Variants in GRIK4 observed in about 807,000 individuals in gnomAD.
The protein encoded by GRIK4 is glutamate ionotropic receptor kainate type subunit 4, also known as glutamate receptor ionotropic, kainate 4.
In GRIK4, 40 loss-of-function variants were observed where a neutral mutation model predicts 104.9. The observed-to-expected ratio is 0.38, with a 90% CI of 0.30 to 0.50. The LOEUF is 0.50. Ranked by LOEUF, GRIK4 falls within the 20% of genes least tolerant of loss-of-function variation. GRIK4 has a pLI of 0.93. For missense variants in GRIK4, 1,047 were observed against 1,308.1 expected, an observed-to-expected ratio of 0.80 and a Z score of 3.08; for synonymous variants, 485 against 524.9, an observed-to-expected ratio of 0.92 and a Z score of 1.04.
At chr11:120,578,597 G>A (rs1225616014) in intron 1 of GRIK4, among the ~76,000 whole-genome samples, 2 of 152,306 alleles carry the variant, frequency 1.3e-5, no homozygotes, top group East Asian at 3.9e-4. Context: ...GGGATACACG[G>A]ATGCTTAGTA....
At chr11:120,569,187 T>C (rs1462738226) in intron 1 of GRIK4, among the ~76,000 whole-genome samples, 1 of 152,204 alleles carries the variant, frequency 6.6e-6, no homozygotes, top group African/African-American at 2.4e-5. Flanking sequence ...TGCTACAAGC[T>C]GGATAATAGA....
At chr11:120,833,690 A>G (rs1471215967) in intron 7 of GRIK4, among the ~76,000 whole-genome samples, 1 of 152,250 alleles carries the variant, frequency 6.6e-6, no homozygotes, top group Non-Finnish European at 1.5e-5. Flanking sequence ...TTTGGAACAT[A>G]TAGAACAGAA....
Position 120,551,778 on chromosome 11 carries a change from A to AAAATAAAT in GRIK4, c.-159+39915_-159+39922dup, listed in dbSNP as rs35993230. Among the ~76,000 whole-genome samples, 303 of 150,372 alleles carry AAAATAAAT rather than the reference A, an allele frequency of 2.0e-3. 1 individual carries two copies. Among genetic ancestry groups the AAAATAAAT allele is most frequent in the African/African-American group, 5.1e-3 (208 of 40,416 alleles). The stretch of plus-strand genomic sequence containing the variant: ...CCTGGGAAACAGAGTGAGACTCTGT[A>AAAATAAAT]AAATAAATAAATAAATAAATAAATA... On this transcript the variant is annotated intron_variant, in intron 1 of 20. Transcript: ENST00000527524.
chr11:120,785,014 G>C (rs1952235424), intron 3 of GRIK4, among the ~76,000 whole-genome samples: 1 of 152,072 alleles, frequency 6.6e-6, no homozygotes, highest in African/African-American at 2.4e-5. Flanking sequence ...GACCTTGCCT[G>C]GCATCTTTGT....
intron 1 of GRIK4, among the ~76,000 whole-genome samples, chr11:120,531,802 C>G (rs1947926884): frequency 6.6e-6 from 1 of 152,120 alleles, no homozygotes. Context: ...TCTCGGACTC[C>G]TGACCTCAGA....
At chr11:120,684,508 C>T (rs117664726) in intron 3 of GRIK4, among the ~76,000 whole-genome samples, 1 of 152,146 alleles carries the variant, frequency 6.6e-6, no homozygotes, top group South Asian at 2.1e-4. Context: ...TACGAACACA[C>T]ATGAAAAGTG....
intron 6 of GRIK4, among the ~76,000 whole-genome samples, chr11:120,822,615 G>T (rs1217787197): frequency 2.6e-5 from 4 of 152,198 alleles, no homozygotes; most frequent in Admixed American, 2.6e-4. Context: ...ATTTCAAGTG[G>T]TCAGTAGCCA....
At chr11:120,900,923 G>C (rs939166646) in intron 12 of GRIK4, among the ~76,000 whole-genome samples, 4 of 152,190 alleles carry the variant, frequency 2.6e-5, no homozygotes, top group African/African-American at 9.7e-5. Flanking sequence ...CACTTTGGGG[G>C]AGGGGGTGCA....
intron 1 of GRIK4, among the ~76,000 whole-genome samples, chr11:120,521,246 G>C (rs1231816157): frequency 6.6e-6 from 1 of 151,988 alleles, no homozygotes; most frequent in Non-Finnish European, 1.5e-5. Flanking sequence ...CGAATATTTT[G>C]ATTTTTTGTG....
At chr11:120,853,962 T>C (rs953510213) in intron 8 of GRIK4, among the ~76,000 whole-genome samples, 10 of 152,324 alleles carry the variant, frequency 6.6e-5, no homozygotes, top group Admixed American at 5.9e-4. Flanking sequence ...ATTCCATGTC[T>C]GTCTTAGGGG....
intron 1 of GRIK4, among the ~76,000 whole-genome samples, chr11:120,520,751 A>G (rs1486589595): frequency 1.3e-5 from 2 of 152,246 alleles, no homozygotes; most frequent in African/African-American, 2.4e-5. Flanking sequence ...CAGCAACAGC[A>G]GCAGAATAGG....
At chr11:120,861,735 T>C (rs1954268704) in intron 8 of GRIK4, among the ~76,000 whole-genome samples, 1 of 152,136 alleles carries the variant, frequency 6.6e-6, no homozygotes, top group Non-Finnish European at 1.5e-5. Context: ...TGTATATAAC[T>C]TGTGTAGAGA....
rs899239326 is a variant in GRIK4 at position 120,624,638 on chromosome 11, C to T, written c.-158-29047C>T. Among the ~76,000 whole-genome samples the T allele has an allele frequency of 5.3e-5, 8 of 152,302 alleles. No individual in the cohort carries two copies. In the South Asian group the frequency reaches 1.5e-3, roughly 28 times the overall value. On this transcript the variant is annotated intron_variant, in intron 1 of 20. Coordinates refer to ENST00000527524, the MANE Select transcript of GRIK4 (RefSeq NM_014619.5). ...AGACACAATTGCAAGACAGACACTTCATCTCGTACCCTGCCGCGGAGTCTG... is the reference window on the plus strand; with the variant it reads ...AGACACAATTGCAAGACAGACACTTTATCTCGTACCCTGCCGCGGAGTCTG...
chr11:120,539,340 C>T (rs1412544229), intron 1 of GRIK4, among the ~76,000 whole-genome samples: 1 of 152,224 alleles, frequency 6.6e-6, no homozygotes, highest in African/African-American at 2.4e-5. Context: ...CGAGGGTGAG[C>T]CGGGAGCATC....
intron 1 of GRIK4, among the ~76,000 whole-genome samples, chr11:120,547,737 C>G (rs1948099828): frequency 1.3e-5 from 2 of 152,124 alleles, no homozygotes. Flanking sequence ...CAGCAACTGC[C>G]TAGTGTTTGG....
chr11:120,585,332 C>T (rs949213157), intron 1 of GRIK4, among the ~76,000 whole-genome samples: 4 of 149,692 alleles, frequency 2.7e-5, no homozygotes, highest in African/African-American at 9.8e-5. Context: ...TCTCTCTCTC[C>T]CTCTCTCTCT....
rs772477570 is a variant in GRIK4, at chr11:120,802,763, C to T, written c.153C>T (p.Arg51=). The T allele has an allele frequency of 6.2e-7, 1 of 1,614,148 alleles. No homozygotes were observed. The highest frequency in any genetic ancestry group is 8.5e-7 in the Non-Finnish European group (1 of 1,179,972). Residue 51 remains arginine, a synonymous_variant, in exon 4 of 21, where the codon CGC becomes CGT. Transcript: ENST00000527524. ...ERLSITLAKN[R]INRAPERLGK... is the part of the protein sequence containing the mutation. ...TCTCCATCACCCTGGCCAAGAACCG[C>T]ATCAACCGCGCTCCTGAGAGGCTGG... is the stretch of plus-strand genomic sequence containing the variant.
intron 3 of GRIK4, among the ~76,000 whole-genome samples, chr11:120,728,119 T>G (rs1951063994): frequency 6.6e-6 from 1 of 152,166 alleles, no homozygotes. Context: ...AAGACATATT[T>G]TAGTAATATA....
chr11:120,600,070 G>A (rs751539661), intron 1 of GRIK4, among the ~76,000 whole-genome samples: 11 of 152,300 alleles, frequency 7.2e-5, no homozygotes, highest in African/African-American at 2.2e-4. Flanking sequence ...GCAGGTGGCC[G>A]AAGCCCTTGG....
Sources: gnomAD v4.1 joint callset for allele counts (sites outside exome capture counted in the v4.1 genomes callset) on GRCh38, gnomAD v4.1.1 for gene constraint, MANE v1.5 for transcripts, NCBI Gene and HGNC (gene_info 2026-07-23, HGNC 2026-07-21) for gene names.